Variants in GRID2 observed in about 807,000 individuals in gnomAD.
GRID2 encodes glutamate receptor ionotropic, delta-2.
In GRID2, 33 loss-of-function variants were observed where a neutral mutation model predicts 114.8. That is an observed-to-expected ratio of 0.29 (90% CI 0.22 to 0.38). GRID2 has a LOEUF of 0.38. GRID2 is among the 10% of genes least tolerant of loss of function. GRID2 has a pLI of 1.00. For missense variants in GRID2, 1,184 were observed against 1,257.7 expected, an observed-to-expected ratio of 0.94 and a Z score of 0.89; for synonymous variants, 505 against 449.9, an observed-to-expected ratio of 1.12 and a Z score of -1.55.
intron 9 of GRID2, among the ~76,000 whole-genome samples, chr4:93,414,461 T>C: frequency 6.6e-6 from 1 of 152,096 alleles, no homozygotes; most frequent in Non-Finnish European, 1.5e-5. Context: ...TTTCCTAATA[T>C]GTGGCTCTAG....
intron 2 of GRID2, among the ~76,000 whole-genome samples, chr4:92,755,473 G>A (rs1028576612): frequency 6.6e-6 from 1 of 152,084 alleles, no homozygotes; most frequent in African/African-American, 2.4e-5. Flanking sequence ...AGGATGGAGT[G>A]TCCTATTTTA....
intron 2 of GRID2, among the ~76,000 whole-genome samples, chr4:93,016,699 A>G (rs1722776301): frequency 6.6e-6 from 1 of 152,146 alleles, no homozygotes; most frequent in Non-Finnish European, 1.5e-5. Context: ...AAAATAGAAG[A>G]CAGAAAACTA....
chr4:93,463,847 G>A (rs1240940443), intron 11 of GRID2, among the ~76,000 whole-genome samples: 2 of 152,042 alleles, frequency 1.3e-5, no homozygotes, highest in Non-Finnish European at 1.5e-5. Flanking sequence ...AAATTAGCCA[G>A]GCGTGGTGGC....
intron 13 of GRID2, among the ~76,000 whole-genome samples, chr4:93,604,925 T>C (rs1740060290): frequency 6.6e-6 from 1 of 152,210 alleles, no homozygotes; most frequent in Admixed American, 6.5e-5. Context: ...TTATATGTAC[T>C]GGGAAACCAA....
At chr4:92,484,817 A>G (rs1051670154) in intron 1 of GRID2, among the ~76,000 whole-genome samples, 1 of 152,008 alleles carries the variant, frequency 6.6e-6, no homozygotes, top group African/African-American at 2.4e-5. Context: ...TCTAAATCTC[A>G]TATCTACCAC....
At chr4:93,295,168 G>C (rs1560468102) in intron 8 of GRID2, among the ~76,000 whole-genome samples, 1 of 152,092 alleles carries the variant, frequency 6.6e-6, no homozygotes, top group Admixed American at 6.5e-5. Context: ...TTAGGGAAGG[G>C]ATCCAGGCTG....
At chr4:92,627,967 C>G (rs1340624525) in intron 2 of GRID2, among the ~76,000 whole-genome samples, 2 of 152,004 alleles carry the variant, frequency 1.3e-5, no homozygotes, top group African/African-American at 4.8e-5. Context: ...AGTGACACAT[C>G]ATTATATAGT....
At chr4:93,761,938 T>C (rs918502325) in intron 14 of GRID2, among the ~76,000 whole-genome samples, 2 of 152,186 alleles carry the variant, frequency 1.3e-5, no homozygotes, top group African/African-American at 4.8e-5. Context: ...GATATGCCAA[T>C]CAAAGTGCCA....
In GRID2 at chr4:92,924,545, T is replaced by G. The variant is rs535947000; in HGVS notation, c.245-160450T>G. Among the ~76,000 whole-genome samples the G allele has an allele frequency of 2.0e-5, 3 of 152,278 alleles. No individual in the cohort carries two copies. The East Asian group carries it at 5.8e-4, about 29-fold the overall frequency. On this transcript the variant is annotated intron_variant, in intron 2 of 15. Coordinates refer to ENST00000282020, the MANE Select transcript of GRID2 (RefSeq NM_001510.4). ...TAACTTTTTAGATAGTTTTAAAAAT[T>G]ATCTTCCAAAACACTGCTGCATGGA...
At chr4:93,472,679 G>C (rs901016408) in intron 11 of GRID2, among the ~76,000 whole-genome samples, 1 of 152,154 alleles carries the variant, frequency 6.6e-6, no homozygotes, top group Non-Finnish European at 1.5e-5. Flanking sequence ...GAAAATGTTA[G>C]GGGCCAGATT....
At position 93,585,778 on chromosome 4, in the gene GRID2, T is replaced by C. The variant is rs114652285; in HGVS notation, c.2194-40491T>C. Among the ~76,000 whole-genome samples, 867 of 152,204 alleles carry C rather than the reference T, an allele frequency of 5.7e-3. 12 individuals are homozygous for C. Among genetic ancestry groups the C allele is most frequent in the African/African-American group, 0.019 (797 of 41,538 alleles). Reference sequence around the variant, plus strand: ...CATGTTATAACAAGTTAATACAAGTTATTTTGGTACAAAAAAAATGAAATC... The same window carrying C: ...CATGTTATAACAAGTTAATACAAGTCATTTTGGTACAAAAAAAATGAAATC... On this transcript the variant is annotated intron_variant, in intron 13 of 15. Transcript: ENST00000282020.
At chr4:93,500,417 C>T (rs1329214133) in intron 12 of GRID2, among the ~76,000 whole-genome samples, 1 of 151,942 alleles carries the variant, frequency 6.6e-6, no homozygotes, top group African/African-American at 2.4e-5. Flanking sequence ...CTGTCTTTCT[C>T]TCTGCCCCCA....
intron 8 of GRID2, among the ~76,000 whole-genome samples, chr4:93,325,050 G>T (rs1030773078): frequency 1.3e-5 from 2 of 151,956 alleles, no homozygotes; most frequent in Non-Finnish European, 2.9e-5. Context: ...GTTCTGCTCC[G>T]ATCTTAGTTA....
chr4:93,086,651 A>C (rs140852240), intron 3 of GRID2, among the ~76,000 whole-genome samples: 3 of 152,312 alleles, frequency 2.0e-5, no homozygotes, highest in African/African-American at 7.2e-5. Flanking sequence ...TTGTTGCTTA[A>C]TTCACGTTAT....
intron 14 of GRID2, among the ~76,000 whole-genome samples, chr4:93,663,491 A>T (rs190886396): frequency 6.6e-6 from 1 of 152,030 alleles, no homozygotes; most frequent in African/African-American, 2.4e-5. Flanking sequence ...TCCAAAATAC[A>T]TATGTATGTA....
chr4:93,014,334 C>T (rs1722473403), intron 2 of GRID2, among the ~76,000 whole-genome samples: 1 of 152,002 alleles, frequency 6.6e-6, no homozygotes, highest in South Asian at 2.1e-4. Context: ...ACATTCAGCC[C>T]ACAGCACAGA....
chr4:93,270,599 G>A (rs1246709360), intron 8 of GRID2, among the ~76,000 whole-genome samples: 1 of 151,846 alleles, frequency 6.6e-6, no homozygotes, highest in East Asian at 1.9e-4. Context: ...AACATAATAT[G>A]TATTTTCTTC....
intron 8 of GRID2, among the ~76,000 whole-genome samples, chr4:93,368,456 GGTTT>G (rs756034729): frequency 3.1e-4 from 47 of 151,884 alleles, no homozygotes; most frequent in Middle Eastern, 3.4e-3. Flanking sequence ...ACAACATGCA[GGTTT>G]GTTACATATG....
intron 10 of GRID2, among the ~76,000 whole-genome samples, chr4:93,423,521 G>C (rs1268907790): frequency 1.3e-5 from 2 of 150,870 alleles, no homozygotes; most frequent in South Asian, 2.1e-4. Flanking sequence ...TAATTTTTTT[G>C]TATTTTTAGT....
Sources: gnomAD v4.1 joint callset for allele counts (sites outside exome capture counted in the v4.1 genomes callset) on GRCh38, gnomAD v4.1.1 for gene constraint, MANE v1.5 for transcripts, NCBI Gene and HGNC (gene_info 2026-07-23, HGNC 2026-07-21) for gene names.